GFRA1: variants seen among roughly 807,000 people sequenced by gnomAD.
The protein encoded by GFRA1 is GDNF family receptor alpha 1.
In GFRA1, 16 loss-of-function variants were observed where a neutral mutation model predicts 51.6. The observed-to-expected ratio is 0.31, with a 90% CI of 0.21 to 0.47. GFRA1 has a LOEUF of 0.47. GFRA1 is among the 20% of genes least tolerant of loss of function. The probability of loss-of-function intolerance (pLI) is 1.00; values close to 1 mark genes in which losing one functional copy is unlikely to be tolerated. For synonymous variants in GFRA1, 270 were observed against 241.3 expected, an observed-to-expected ratio of 1.12 and a Z score of -1.10; for missense variants, 530 against 594.3, an observed-to-expected ratio of 0.89 and a Z score of 1.13.
At position 116,060,841 on chromosome 10, in the gene GFRA1, AT is replaced by A. The variant is rs368189475; in HGVS notation, c.*3556del. On this transcript the variant is annotated 3_prime_UTR_variant, in exon 11 of 11. Transcript: ENST00000355422. ...TAACTAACTGCATGAATGAAAACTT[AT>A]TTTCCAAAAGACAGCTCCTCTGAGG... 227 of 152,352 alleles carry A rather than the reference AT, an allele frequency of 1.5e-3. 2 individuals carry two copies. The highest frequency in any genetic ancestry group is 5.3e-3 in the African/African-American group (220 of 41,588). The allele number at this position is 152,352 out of a possible 1,614,324, so 9.4% of individuals were successfully genotyped here.
chr10:116,202,527 G>C (rs1964419083), intron 5 of GFRA1, among the ~76,000 whole-genome samples: 1 of 152,090 alleles, frequency 6.6e-6, no homozygotes, highest in African/African-American at 2.4e-5. Context: ...AACTAACCGA[G>C]ACTGGGTAAT....
intron 5 of GFRA1, among the ~76,000 whole-genome samples, chr10:116,194,193 C>T (rs1963536452): frequency 6.6e-6 from 1 of 151,952 alleles, no homozygotes. Flanking sequence ...TCTAAATATC[C>T]CCTGAGTTTG....
chr10:116,253,732 T>C (rs188509401), intron 4 of GFRA1, among the ~76,000 whole-genome samples: 49 of 152,352 alleles, frequency 3.2e-4, no homozygotes, highest in African/African-American at 1.1e-3. Context: ...GTAATTTTTT[T>C]TCTGTTCAAA....
intron 5 of GFRA1, among the ~76,000 whole-genome samples, chr10:116,143,162 G>C (rs1958644976): frequency 6.6e-6 from 1 of 152,092 alleles, no homozygotes; most frequent in African/African-American, 2.4e-5. Flanking sequence ...AAAACCAGTT[G>C]TACGGTTCAT....
intron 5 of GFRA1, among the ~76,000 whole-genome samples, chr10:116,196,555 ATATACTATATAT>A (rs1963781307): frequency 2.3e-5 from 2 of 88,138 alleles, no homozygotes; most frequent in Non-Finnish European, 4.4e-5. Flanking sequence ...ATATTTTTAT[ATATACTATATAT>A]AATATATATA....
intron 5 of GFRA1, among the ~76,000 whole-genome samples, chr10:116,205,596 G>GATATATATATATATAT (rs140642664): frequency 4.1e-4 from 58 of 140,568 alleles, no homozygotes; most frequent in African/African-American, 1.4e-3. Context: ...AAAAAAAAAA[G>GATATATATATATATAT]ATATATATAT....
At chr10:116,183,759 C>A (rs960642933) in intron 5 of GFRA1, among the ~76,000 whole-genome samples, 1 of 152,226 alleles carries the variant, frequency 6.6e-6, no homozygotes, top group Non-Finnish European at 1.5e-5. Flanking sequence ...TGCTCCCAGG[C>A]TCCTCTGTAA....
intron 9 of GFRA1, among the ~76,000 whole-genome samples, chr10:116,073,342 T>C (rs1955485191): frequency 6.6e-6 from 1 of 152,166 alleles, no homozygotes; most frequent in Non-Finnish European, 1.5e-5. Context: ...ACCTTACATC[T>C]TTTTTGCTTT....
chr10:116,244,966 A>C (rs1411606843), intron 4 of GFRA1, among the ~76,000 whole-genome samples: 1 of 152,196 alleles, frequency 6.6e-6, no homozygotes, highest in Non-Finnish European at 1.5e-5. Flanking sequence ...ATGAGAAAGA[A>C]AGCTAAAAAG....
intron 5 of GFRA1, among the ~76,000 whole-genome samples, chr10:116,192,817 T>C (rs1963392642): frequency 6.6e-6 from 1 of 152,188 alleles, no homozygotes; most frequent in Non-Finnish European, 1.5e-5. Flanking sequence ...AGAACAGGAA[T>C]AAGAGATGAT....
chr10:116,161,526 T>C (rs1042144111), intron 5 of GFRA1, among the ~76,000 whole-genome samples: 1 of 152,138 alleles, frequency 6.6e-6, no homozygotes, highest in Non-Finnish European at 1.5e-5. Context: ...CCACCCAAAT[T>C]TCACCTTGAA....
At position 116,057,090 on chromosome 10, in the gene GFRA1, A is replaced by C. The variant is rs1485420462; in HGVS notation, c.*7308T>G. 2 of 152,158 alleles carry C rather than the reference A, an allele frequency of 1.3e-5. No individual in the cohort carries two copies. The highest frequency in any genetic ancestry group is 4.8e-5 in the African/African-American group (2 of 41,444). 9.4% of individuals were successfully genotyped at this position (152,158 alleles called of 1,614,324 possible). ...ATTGCAAAACTTGTACTTCTACAGGAGATGTTCTTCCAAGGGTGTTGGCAA... is the reference window on the plus strand; with the variant it reads ...ATTGCAAAACTTGTACTTCTACAGGCGATGTTCTTCCAAGGGTGTTGGCAA... On this transcript the variant is annotated 3_prime_UTR_variant, in exon 11 of 11. Coordinates refer to ENST00000355422, the MANE Select transcript of GFRA1 (RefSeq NM_005264.8).
intron 5 of GFRA1, among the ~76,000 whole-genome samples, chr10:116,179,164 A>G (rs1193324365): frequency 2.6e-5 from 4 of 152,226 alleles, no homozygotes; most frequent in Non-Finnish European, 4.4e-5. Context: ...CCAAATGGCT[A>G]CATCTCTGGA....
At chr10:116,178,176 C>G (rs1288539313) in intron 5 of GFRA1, among the ~76,000 whole-genome samples, 1 of 152,146 alleles carries the variant, frequency 6.6e-6, no homozygotes, top group Non-Finnish European at 1.5e-5. Context: ...TTTTTCCCAA[C>G]TGGGAAACTG....
chr10:116,271,189 C>G (rs893837853), intron 2 of GFRA1, 74 bp from the exon 3 acceptor site: 17 of 1,350,606 alleles, frequency 1.3e-5, no homozygotes, highest in Non-Finnish European at 1.7e-5. Flanking sequence ...GGCGAGGGCG[C>G]GCGCCCGGGT....
At chr10:116,206,272 G>C (rs1387582739) in intron 5 of GFRA1, among the ~76,000 whole-genome samples, 1 of 152,122 alleles carries the variant, frequency 6.6e-6, no homozygotes. Flanking sequence ...GACATTATCA[G>C]GGGGAGCATA....
intron 5 of GFRA1, among the ~76,000 whole-genome samples, chr10:116,161,197 G>A (rs574767215): frequency 2.7e-3 from 410 of 152,268 alleles, no homozygotes; most frequent in Non-Finnish European, 4.6e-3. Flanking sequence ...GCACAGTCTG[G>A]GAAACAGATG....
chr10:116,137,574 A>G (rs1958383441), intron 5 of GFRA1, among the ~76,000 whole-genome samples: 1 of 152,172 alleles, frequency 6.6e-6, no homozygotes, highest in South Asian at 2.1e-4. Flanking sequence ...CATCTGCTAC[A>G]GCTCAATTGT....
intron 5 of GFRA1, among the ~76,000 whole-genome samples, chr10:116,197,242 GCCCTTAGGACT>G (rs1435142737): frequency 6.6e-6 from 1 of 151,968 alleles, no homozygotes; most frequent in African/African-American, 2.4e-5. Context: ...TGAGATTAGG[GCCCTTAGGACT>G]CCAAAAAGGC....
Sources: allele counts gnomAD v4.1 joint callset (sites outside exome capture counted in the v4.1 genomes callset), GRCh38; gene constraint gnomAD v4.1.1; transcripts MANE v1.5; gene names NCBI Gene and HGNC (gene_info 2026-07-23, HGNC 2026-07-21).